SPSB1: variants seen among roughly 807,000 people sequenced by gnomAD.
SPSB1 encodes splA/ryanodine receptor domain and SOCS box containing 1, also known as SPRY domain-containing SOCS box protein 1.
In SPSB1, 8 loss-of-function variants were observed where a neutral mutation model predicts 21.2. The observed-to-expected ratio is 0.38, with a 90% CI of 0.22 to 0.68. The LOEUF is 0.68. Among genes scored for constraint, SPSB1 ranks in the 30% least tolerant of loss-of-function variants. The probability of loss-of-function intolerance (pLI) is 0.53; values close to 1 mark genes in which losing one functional copy is unlikely to be tolerated. For synonymous variants in SPSB1, 169 were observed against 161.7 expected, an observed-to-expected ratio of 1.05 and a Z score of -0.34; for missense variants, 242 against 377.8, an observed-to-expected ratio of 0.64 and a Z score of 2.98.
At chr1:9,349,019 A>T (rs1198572111) in intron 1 of SPSB1, among the ~76,000 whole-genome samples, 3 of 151,966 alleles carry the variant, frequency 2.0e-5, no homozygotes, top group Admixed American at 2.0e-4. Flanking sequence ...TATTCCTCCC[A>T]CTGGGAGAAG....
At chr1:9,361,859 G>T (rs964368915) in intron 2 of SPSB1, among the ~76,000 whole-genome samples, 14 of 152,204 alleles carry the variant, frequency 9.2e-5, no homozygotes, top group Admixed American at 6.5e-4. Context: ...ATGTGGAAAG[G>T]CCTGTTTGCA....
chr1:9,342,511 CAG>C (rs1640106903), intron 1 of SPSB1, among the ~76,000 whole-genome samples: 1 of 152,224 alleles, frequency 6.6e-6, no homozygotes, highest in Admixed American at 6.5e-5. Context: ...GGAGCTGCCT[CAG>C]GGTGTTGACC....
At chr1:9,355,720 T>C in intron 1 of SPSB1, 23 bp from the exon 2 acceptor site, 1 of 1,346,320 alleles carries the variant, frequency 7.4e-7, no homozygotes, top group Admixed American at 3.5e-5. Flanking sequence ...TGCTCACCGG[T>C]TGTTTGTCTT....
At chr1:9,316,847 C>T (rs1639625317) in intron 1 of SPSB1, among the ~76,000 whole-genome samples, 1 of 152,182 alleles carries the variant, frequency 6.6e-6, no homozygotes, top group Non-Finnish European at 1.5e-5. Flanking sequence ...GCTCCTATGA[C>T]CTGGCCGGAC....
chr1:9,296,259 G>T (rs1028705374), intron 1 of SPSB1, among the ~76,000 whole-genome samples: 8 of 152,158 alleles, frequency 5.3e-5, no homozygotes, highest in African/African-American at 1.9e-4. Flanking sequence ...CTGAGAAGTG[G>T]GTTTTGCCTC....
intron 1 of SPSB1, among the ~76,000 whole-genome samples, chr1:9,338,919 C>T (rs1215469597): frequency 6.6e-6 from 1 of 152,218 alleles, no homozygotes; most frequent in Non-Finnish European, 1.5e-5. Flanking sequence ...ACCCTGGCCC[C>T]ATTCTGGAGG....
chr1:9,331,254 G>T (rs1476159089), intron 1 of SPSB1, among the ~76,000 whole-genome samples: 1 of 149,976 alleles, frequency 6.7e-6, no homozygotes, highest in African/African-American at 2.5e-5. Context: ...GATTTGGAGT[G>T]GCAGGAAGTG....
At chr1:9,297,793 G>T (rs747042234) in intron 1 of SPSB1, among the ~76,000 whole-genome samples, 1 of 152,118 alleles carries the variant, frequency 6.6e-6, no homozygotes, top group South Asian at 2.1e-4. Context: ...TAGAGTTAGG[G>T]ATTCAAAGGC....
intron 1 of SPSB1, among the ~76,000 whole-genome samples, chr1:9,336,956 C>T (rs1440484224): frequency 5.9e-5 from 9 of 152,174 alleles, no homozygotes; most frequent in Non-Finnish European, 1.2e-4. Context: ...ACTGAGGGGC[C>T]GCTTCACAGT....
At chr1:9,331,468 T>A (rs1213923559) in intron 1 of SPSB1, among the ~76,000 whole-genome samples, 1 of 151,766 alleles carries the variant, frequency 6.6e-6, no homozygotes, top group East Asian at 1.9e-4. Flanking sequence ...GTAGCTGGGA[T>A]TACAGGCATG....
intron 1 of SPSB1, among the ~76,000 whole-genome samples, chr1:9,319,440 C>G (rs1429407769): frequency 1.6e-4 from 25 of 152,160 alleles, no homozygotes; most frequent in Non-Finnish European, 2.9e-5. Flanking sequence ...TCCTTCTCCT[C>G]CCTCTAGGAT....
intron 1 of SPSB1, among the ~76,000 whole-genome samples, chr1:9,318,098 G>A (rs1329016829): frequency 6.6e-6 from 1 of 152,252 alleles, no homozygotes; most frequent in Non-Finnish European, 1.5e-5. Context: ...CTGGGAAGCT[G>A]CAGCTTAGGG....
chr1:9,354,343 C>T (rs959755566), intron 1 of SPSB1, among the ~76,000 whole-genome samples: 8 of 152,198 alleles, frequency 5.3e-5, no homozygotes, highest in Non-Finnish European at 7.3e-5. Flanking sequence ...CAGGCGCCCC[C>T]ACAGGCTCCT....
chr1:9,309,949 G>A (rs1639489317), intron 1 of SPSB1, among the ~76,000 whole-genome samples: 1 of 152,202 alleles, frequency 6.6e-6, no homozygotes, highest in Non-Finnish European at 1.5e-5. Flanking sequence ...GTTTGGCTGT[G>A]CCTGGAGCTC....
At chr1:9,311,088 C>T (rs1277979026) in intron 1 of SPSB1, among the ~76,000 whole-genome samples, 2 of 151,966 alleles carry the variant, frequency 1.3e-5, no homozygotes, top group African/African-American at 4.8e-5. Flanking sequence ...CTCTAGCCTC[C>T]CAGGCTCCCT....
At chr1:9,337,388 G>A (rs546989900) in intron 1 of SPSB1, among the ~76,000 whole-genome samples, 1 of 152,172 alleles carries the variant, frequency 6.6e-6, no homozygotes, top group South Asian at 2.1e-4. Context: ...TGTGGCCAGG[G>A]CAGGCACCTC....
intron 1 of SPSB1, among the ~76,000 whole-genome samples, chr1:9,342,224 A>T (rs1017955607): frequency 4.6e-5 from 7 of 152,190 alleles, no homozygotes; most frequent in African/African-American, 1.7e-4. Flanking sequence ...ATCCGTGGGC[A>T]GTGGCAGCAC....
chr1:9,352,912 G>C (rs1014090923), intron 1 of SPSB1, among the ~76,000 whole-genome samples: 1 of 147,406 alleles, frequency 6.8e-6, no homozygotes, highest in East Asian at 2.1e-4. Flanking sequence ...CATGACAGAC[G>C]AGATCCCGGG....
chr1:9,339,392 C>T, intron 1 of SPSB1: 1 of 788,504 alleles, frequency 1.3e-6, no homozygotes, highest in Non-Finnish European at 1.5e-6. Flanking sequence ...CTGGCAGGAC[C>T]CAGGGTCCTC....
Sources: gnomAD v4.1 joint callset for allele counts (sites outside exome capture counted in the v4.1 genomes callset) on GRCh38, gnomAD v4.1.1 for gene constraint, MANE v1.5 for transcripts, NCBI Gene and HGNC (gene_info 2026-07-23, HGNC 2026-07-21) for gene names.